The following ZFP64 variants were observed in gnomAD, a reference collection of about 807,000 sequenced individuals.
The protein encoded by ZFP64 is ZFP64 zinc finger protein.
Under a neutral mutation model 51.6 loss-of-function variants are expected in ZFP64, and 14 were observed. The observed-to-expected ratio is 0.27, with a 90% CI of 0.18 to 0.42. The LOEUF is 0.42. Among genes scored for constraint, ZFP64 ranks in the 10% least tolerant of loss-of-function variants. ZFP64 has a pLI of 1.00. For missense variants in ZFP64, 754 were observed against 906.8 expected (o/e 0.83, Z 2.16); for synonymous variants, 375 against 361.4 (o/e 1.04, Z -0.43).
At chr20:52,190,636 T>TA (rs370380758) in intron 1 of ZFP64, among the ~76,000 whole-genome samples, 5 of 152,222 alleles carry the variant, frequency 3.3e-5, no homozygotes, top group African/African-American at 1.2e-4. Flanking sequence ...ACCTAGGAGA[T>TA]ACTGAGTCAT....
rs140544655 is a variant in ZFP64, at chr20:52,171,377, A to C, written c.287-5352T>G. ...TGTGCATATGTGTATGTGTATGTGT[A>C]TGTGTCTGTGTATGCGTATGCGTAT... On this transcript the variant is annotated intron_variant, in intron 2 of 5. Coordinates refer to ENST00000216923, the MANE Select transcript of ZFP64 (RefSeq NM_018197.3). Among the ~76,000 whole-genome samples, 807 of 143,082 alleles carry C rather than the reference A, an allele frequency of 5.6e-3. 7 individuals carry two copies. The highest frequency in any genetic ancestry group is 0.022 in the African/African-American group (757 of 34,702). 93.9% of individuals were successfully genotyped at this position (143,082 alleles called of 152,430 possible).
At position 52,153,882 on chromosome 20, in the gene ZFP64, T is replaced by C. The variant is rs1431490444; in HGVS notation, c.764-454A>G. On this transcript the variant is annotated intron_variant, in intron 5 of 5. Transcript: ENST00000216923. The surrounding 1 kb of genome is among the most constrained non-coding windows in gnomAD (Gnocchi z 5.1). ...TGGGTCAGCTCCGTGCTGCACTCAT[T>C]GGAGTATGGTTTTACAATGACTGAA... Among the ~76,000 whole-genome samples, 2 of 152,178 alleles carry C rather than the reference T, an allele frequency of 1.3e-5. No individual in the cohort carries two copies. Among genetic ancestry groups the C allele is most frequent in the Admixed American group, 6.5e-5 (1 of 15,278 alleles).
chr20:52,188,308 C>CTTTTTTTTTTTTTT (rs1164512289), intron 1 of ZFP64, among the ~76,000 whole-genome samples: 6 of 104,226 alleles, frequency 5.8e-5, no homozygotes, highest in Non-Finnish European at 1.2e-4. Flanking sequence ...CTTTTTCTTT[C>CTTTTTTTTTTTTTT]TTTTTTTTTT....
At chr20:52,172,818 A>G (rs1488798171) in intron 2 of ZFP64, among the ~76,000 whole-genome samples, 1 of 152,170 alleles carries the variant, frequency 6.6e-6, no homozygotes, top group Admixed American at 6.5e-5. Context: ...CGATACCCCA[A>G]GAAGCTCACA....
rs910293055 is a variant in ZFP64, at chr20:52,085,551, C to A, written c.1229-285G>T. ...GGGATTTGGAACCCAGGCACTATGG[C>A]ACTCAAGTCCATACTCTTGATGACC... is the stretch of plus-strand genomic sequence containing the variant. On this transcript the variant is annotated intron_variant, in intron 8 of 8. Transcript: ENST00000361387. The surrounding 1 kb of genome is among the most constrained non-coding windows in gnomAD (Gnocchi z 4.3). Among the ~76,000 whole-genome samples, 3 of 152,178 alleles carry A rather than the reference C, an allele frequency of 2.0e-5. No homozygotes were observed. The highest frequency in any genetic ancestry group is 4.8e-5 in the African/African-American group (2 of 41,448).
At chr20:52,159,637 G>A (rs1017304235) in intron 5 of ZFP64, among the ~76,000 whole-genome samples, 2 of 152,160 alleles carry the variant, frequency 1.3e-5, no homozygotes, top group Non-Finnish European at 2.9e-5. Flanking sequence ...GACCACTTGA[G>A]GTCAGGAGTT....
intron 5 of ZFP64, among the ~76,000 whole-genome samples, chr20:52,142,055 G>A (rs1980279934): frequency 6.6e-6 from 1 of 152,096 alleles, no homozygotes; most frequent in Non-Finnish European, 1.5e-5. Flanking sequence ...AAGGATGGGA[G>A]GGAGGTAAGG....
At chr20:52,101,940 C>CAAA (rs1190342919) in intron 5 of ZFP64, among the ~76,000 whole-genome samples, 4,352 of 77,474 alleles carry the variant, frequency 0.056, 127 homozygotes, top group Non-Finnish European at 0.082. Context: ...CTAAAAATAC[C>CAAA]AAAAAAAAAA....
intron 5 of ZFP64, among the ~76,000 whole-genome samples, chr20:52,107,857 A>G (rs1253467269): frequency 2.0e-5 from 3 of 152,186 alleles, no homozygotes; most frequent in Non-Finnish European, 4.4e-5. Context: ...CTCGTGAGTG[A>G]GTGTGTACCT....
chr20:52,164,629 G>T, intron 4 of ZFP64, 66 bp downstream of exon 4: 1 of 1,357,024 alleles, frequency 7.4e-7, no homozygotes, highest in Non-Finnish European at 1.1e-6. Flanking sequence ...TCTGACCTAT[G>T]TGGATCCCCA....
intron 2 of ZFP64, among the ~76,000 whole-genome samples, chr20:52,184,919 C>A (rs113565912): frequency 0.079 from 11,975 of 152,230 alleles, 539 homozygotes; most frequent in Non-Finnish European, 0.1. Context: ...TGAGCCACTG[C>A]ACCTGGCCAT....
Position 52,186,931 on chromosome 20 carries a change from C to G in ZFP64, c.187G>C (p.Ala63Pro), listed in dbSNP as rs779347043. 1 of 1,614,098 alleles carries G rather than the reference C, an allele frequency of 6.2e-7. No homozygotes were observed. Among genetic ancestry groups the G allele is most frequent in the Non-Finnish European group, 8.5e-7 (1 of 1,179,994 alleles). ...GATACAAACTGGACCGTGCTGGGGG[C>G]TGCTGCGGATGTGCCTGTCAGCTGG... The part of the protein sequence containing the change: ...GCQLTGTSAA[A>P]PSTVQFVSEE... Residue 63 changes from alanine (A) to proline (P), a missense_variant, in exon 2 of 6, where the codon GCC (alanine) becomes CCC (proline). Transcript: ENST00000216923.
chr20:52,084,252 C>T (rs1015147357), exon 9 of ZFP64: 6 of 333,382 alleles, frequency 1.8e-5, no homozygotes, highest in Admixed American at 4.5e-5. Flanking sequence ...AATTGGAATC[C>T]GTTACGTAGA....
At chr20:52,105,143 G>A (rs777448340) in intron 5 of ZFP64, 44 of 1,433,894 alleles carry the variant, frequency 3.1e-5, no homozygotes, top group Admixed American at 1.5e-4. Context: ...CGGCTCCCCC[G>A]CCACCTGCGG....
At chr20:52,136,735 A>AAT (rs1451365416) in intron 5 of ZFP64, among the ~76,000 whole-genome samples, 5 of 152,092 alleles carry the variant, frequency 3.3e-5, no homozygotes, top group Non-Finnish European at 7.4e-5. Flanking sequence ...CAAATTATAT[A>AAT]ATATATATAT....
intron 5 of ZFP64, among the ~76,000 whole-genome samples, chr20:52,106,604 A>G (rs1334905486): frequency 1.3e-5 from 2 of 152,046 alleles, no homozygotes; most frequent in African/African-American, 4.8e-5. Context: ...AATTGTTTCC[A>G]TTTCTCAAAA....
chr20:52,165,046 CT>C, intron 3 of ZFP64: 1 of 549,584 alleles, frequency 1.8e-6, no homozygotes, highest in Non-Finnish European at 3.5e-6. Context: ...AAATGTCAAG[CT>C]TATGAAAGAT....
chr20:52,134,069 T>C (rs1979855041), intron 5 of ZFP64, among the ~76,000 whole-genome samples: 1 of 151,082 alleles, frequency 6.6e-6, no homozygotes, highest in African/African-American at 2.4e-5. Context: ...CTTTTCCCTA[T>C]TGCAGGAAAT....
At chr20:52,183,197 T>C (rs958347646) in intron 2 of ZFP64, among the ~76,000 whole-genome samples, 4 of 152,070 alleles carry the variant, frequency 2.6e-5, no homozygotes, top group Non-Finnish European at 4.4e-5. Flanking sequence ...TTGTGAAGAT[T>C]GTCATGAAAC....
Sources: gnomAD v4.1 joint callset for allele counts (sites outside exome capture counted in the v4.1 genomes callset) on GRCh38, gnomAD v4.1.1 for gene constraint, Gnocchi (gnomAD v3.1) non-coding constraint, MANE v1.5 for transcripts, NCBI Gene and HGNC (gene_info 2026-07-23, HGNC 2026-07-21) for gene names.